ZNF75D: variants seen among roughly 807,000 people sequenced by gnomAD.
ZNF75D encodes the protein zinc finger protein 75.
In ZNF75D, 33 loss-of-function variants were observed where a neutral mutation model predicts 33.3. The ratio of observed to expected loss-of-function variants is 0.99; its 90% CI spans 0.75 to 1.32. ZNF75D has a LOEUF of 1.32. ZNF75D is among the 40% of genes most tolerant of loss of function. ZNF75D has a pLI of 0.00. For missense variants in ZNF75D, 338 were observed against 367.5 expected (o/e 0.92, Z 0.66); for synonymous variants, 113 against 130.6 (o/e 0.87, Z 0.92).
At chrX:135,291,890 A>G (rs1201464139) in intron 4 of ZNF75D, among the ~76,000 whole-genome samples, 2 of 112,423 alleles carry the variant, frequency 1.8e-5, no homozygotes, top group Non-Finnish European at 3.8e-5. Context: ...AGTGTACAGT[A>G]GGTAATGTGG....
At chrX:135,324,709 G>A (rs1030550888) in intron 1 of ZNF75D, among the ~76,000 whole-genome samples, 2 of 112,343 alleles carry the variant, frequency 1.8e-5, no homozygotes, top group Non-Finnish European at 3.8e-5. Flanking sequence ...AGTATCACCG[G>A]CAGCAGGGCT....
Position 135,277,108 on chromosome X carries a change from A to T in ZNF75D, n.828-21331T>A, listed in dbSNP as rs139399226. Among the ~76,000 whole-genome samples the T allele has an allele frequency of 4.7e-3, 528 of 112,295 alleles. 5 individuals are homozygous for T. The highest frequency in any genetic ancestry group is 0.016 in the African/African-American group (502 of 30,907). Reference sequence around the variant, plus strand: ...GTTGAACTAATTTACACTCCCACCAACAGTGTAAAAGCATTCCTATTTCTC... The same window carrying T: ...GTTGAACTAATTTACACTCCCACCATCAGTGTAAAAGCATTCCTATTTCTC... On this transcript the variant is annotated intron_variant and non_coding_transcript_variant, in intron 1 of 3. Transcript: ENST00000494295.
chrX:135,270,352 CATATATATATATATATATATATAT>C (rs530211370), intron 1 of ZNF75D, among the ~76,000 whole-genome samples: 4 of 63,504 alleles, frequency 6.3e-5, no homozygotes, highest in Middle Eastern at 0.011. Flanking sequence ...CAAAATATCT[CATATATATATATATATATATATAT>C]ATATATATAT....
At chrX:135,297,235 T>C (rs1556423242) in intron 1 of ZNF75D, 1 of 112,060 alleles carries the variant, frequency 8.9e-6, no homozygotes, top group East Asian at 2.8e-4. Context: ...AAGCACCTGT[T>C]TGATTCTATA....
intron 3 of ZNF75D, among the ~76,000 whole-genome samples, chrX:135,293,269 CT>C (rs1367452096): frequency 4.5e-5 from 5 of 111,761 alleles, no homozygotes; most frequent in Non-Finnish European, 9.4e-5. Flanking sequence ...TCCTTGTTTC[CT>C]TTTTTTCTTT....
intron 1 of ZNF75D, among the ~76,000 whole-genome samples, chrX:135,320,365 G>T (rs1418908628): frequency 9.1e-6 from 1 of 110,306 alleles, no homozygotes; most frequent in African/African-American, 3.3e-5. Flanking sequence ...TTGGCCTTTA[G>T]AGCAGAATAT....
chrX:135,284,333 T>C (rs2083932470), downstream of ZNF75D, among the ~76,000 whole-genome samples: 1 of 112,075 alleles, frequency 8.9e-6, no homozygotes, highest in Admixed American at 9.4e-5. Flanking sequence ...TGCCATTTAT[T>C]TCCTTACTTC....
chrX:135,261,306 A>C (rs1192745282), intron 1 of ZNF75D, among the ~76,000 whole-genome samples: 2 of 112,286 alleles, frequency 1.8e-5, no homozygotes, highest in Non-Finnish European at 3.8e-5. Context: ...GTAGATGGCT[A>C]TCAGGTTTGC....
intron 1 of ZNF75D, among the ~76,000 whole-genome samples, chrX:135,269,298 A>C (rs1556416653): frequency 8.9e-6 from 1 of 111,860 alleles, no homozygotes; most frequent in African/African-American, 3.2e-5. Context: ...GAAACAACCA[A>C]CAAAGGGAAG....
At chrX:135,259,426 A>G (rs2083828245) in intron 1 of ZNF75D, among the ~76,000 whole-genome samples, 1 of 112,175 alleles carries the variant, frequency 8.9e-6, no homozygotes, top group Non-Finnish European at 1.9e-5. Flanking sequence ...CCTATCCATG[A>G]GCATGGAATG....
intron 1 of ZNF75D, among the ~76,000 whole-genome samples, chrX:135,277,696 T>G (rs2083904393): frequency 8.9e-6 from 1 of 112,512 alleles, no homozygotes. Flanking sequence ...AGTTTCAGTT[T>G]TCTGCATGTG....
chrX:135,335,715 T>C (rs782292463), intron 1 of ZNF75D, among the ~76,000 whole-genome samples: 8 of 112,110 alleles, frequency 7.1e-5, no homozygotes, highest in Non-Finnish European at 1.3e-4. Context: ...TTGTGCTATA[T>C]GCATGTCTGT....
intron 1 of ZNF75D, among the ~76,000 whole-genome samples, chrX:135,276,732 A>G (rs1417467792): frequency 9.2e-6 from 1 of 109,109 alleles, no homozygotes; most frequent in Non-Finnish European, 1.9e-5. Flanking sequence ...TATGAGTGAG[A>G]ACATGCAGTG....
intron 1 of ZNF75D, among the ~76,000 whole-genome samples, chrX:135,320,525 T>C (rs1443014137): frequency 9.0e-6 from 1 of 111,694 alleles, no homozygotes; most frequent in Non-Finnish European, 1.9e-5. Context: ...CTTATCTGGT[T>C]GTCTGGTTAC....
chrX:135,260,955 C>A (rs2083838689), intron 1 of ZNF75D, among the ~76,000 whole-genome samples: 1 of 112,320 alleles, frequency 8.9e-6, no homozygotes, highest in Non-Finnish European at 1.9e-5. Flanking sequence ...TTTCCCTCTA[C>A]ACACTGCTTT....
At position 135,292,485 on chromosome X, in the gene ZNF75D, C is replaced by G. The variant is rs782794559; in HGVS notation, c.412-12G>C. On this transcript the variant is annotated splice_polypyrimidine_tract_variant and intron_variant, in intron 3 of 6. Transcript: ENST00000370766. Reference sequence around the variant, plus strand: ...TCATGGGCTGTGACCTAGAAATAATCCCCATCCTCATTAGCACAGAACTTA... The same window carrying G: ...TCATGGGCTGTGACCTAGAAATAATGCCCATCCTCATTAGCACAGAACTTA... 1.0e-4 allele frequency: 123 copies of G among 1,205,554 alleles called. No individual in the cohort carries two copies. The highest frequency in any genetic ancestry group is 1.4e-4 in the Non-Finnish European group (121 of 892,573).
chrX:135,334,928 T>C lies in ZNF75D; in HGVS notation c.-391+6840A>G, dbSNP rs150113453. ...GAGGGAGCACATGGCCCAGAGAAGATTGGAGGTCCAGAATCTTTACCTCTT... is the reference window on the plus strand; with the variant it reads ...GAGGGAGCACATGGCCCAGAGAAGACTGGAGGTCCAGAATCTTTACCTCTT... On this transcript the variant is annotated intron_variant, in intron 1 of 6. Transcript: ENST00000370766. Among the ~76,000 whole-genome samples, 601 of 111,455 alleles carry C rather than the reference T, an allele frequency of 5.4e-3. 3 individuals carry two copies. Among genetic ancestry groups the C allele is most frequent in the Non-Finnish European group, 6.3e-3 (334 of 53,018 alleles).
intron 1 of ZNF75D, among the ~76,000 whole-genome samples, chrX:135,324,635 G>A (rs1448849228): frequency 6.2e-5 from 7 of 112,281 alleles, no homozygotes; most frequent in South Asian, 7.4e-4. Flanking sequence ...TCAGTGTGTC[G>A]GTAGGCTATT....
intron 3 of ZNF75D, among the ~76,000 whole-genome samples, chrX:135,293,401 C>T (rs1556421791): frequency 2.7e-5 from 3 of 111,795 alleles, no homozygotes; most frequent in African/African-American, 9.8e-5. Flanking sequence ...TCTCCCCTTT[C>T]CCAACTCTTT....
Sources: allele counts gnomAD v4.1 joint callset (sites outside exome capture counted in the v4.1 genomes callset), GRCh38; gene constraint gnomAD v4.1.1; transcripts MANE v1.5; gene names NCBI Gene and HGNC (gene_info 2026-07-23, HGNC 2026-07-21).